GSN: variants seen among roughly 807,000 people sequenced by gnomAD.
GSN encodes the protein actin-depolymerizing factor.
Under a neutral mutation model 85.7 loss-of-function variants are expected in GSN, and 56 were observed. That is an observed-to-expected ratio of 0.65 (90% confidence interval 0.53 to 0.82). The LOEUF (loss-of-function observed/expected upper bound fraction) is 0.82. Ranked by LOEUF, GSN falls within the 40% of genes least tolerant of loss-of-function variation. The pLI, the probability that GSN is intolerant of heterozygous loss-of-function variation, is 0.00. For synonymous variants in GSN, 373 were observed against 399.1 expected (o/e 0.93, Z 0.78); for missense variants, 857 against 979.8 (o/e 0.87, Z 1.67).
intron 6 of GSN, chr9:121,313,486 T>G (rs1243716913): frequency 4.0e-6 from 1 of 252,294 alleles, no homozygotes; most frequent in African/African-American, 2.2e-5. Context: ...GTTCAGATTC[T>G]GGCTTAGCCA....
intron 4 of GSN, among the ~76,000 whole-genome samples, chr9:121,228,625 A>T (rs1345496305): frequency 2.6e-5 from 4 of 151,290 alleles, no homozygotes; most frequent in Non-Finnish European, 4.4e-5. Flanking sequence ...GGGTTTCACC[A>T]TTTTGCCCAG....
rs1386480647 is a variant in GSN, at chr9:121,327,502, G to A, written c.1762+20G>A. ...AGCCAGGTAGGAGCCGGGGTGGGGG[G>A]CCTGCTGCTGTCCGGATGCAGCTAT... On this transcript the variant is annotated intron_variant, in intron 14 of 17. Transcript: ENST00000432226. 2.6e-6 allele frequency: 4 copies of A among 1,543,620 alleles called. 1 individual carries two copies. Among genetic ancestry groups the A allele is most frequent in the East Asian group, 2.4e-5 (1 of 41,522 alleles).
At position 121,303,072 on chromosome 9, in the gene GSN, T is replaced by C; in HGVS notation, c.351+7T>C. 1 of 1,612,856 alleles carries C rather than the reference T, an allele frequency of 6.2e-7. No individual in the cohort carries two copies. Among genetic ancestry groups the C allele is most frequent in the South Asian group, 1.1e-5 (1 of 91,082 alleles). ...GTCTGGCCTGAAGTACAAGGTGGGTTGGGCCCCACCTTGCTTGAGCGGTAG... is the reference window on the plus strand; with the variant it reads ...GTCTGGCCTGAAGTACAAGGTGGGTCGGGCCCCACCTTGCTTGAGCGGTAG... On this transcript the variant is annotated splice_region_variant and intron_variant, in intron 4 of 17. Transcript: ENST00000432226.
At chr9:121,285,745 C>A (rs2057991245) in intron 2 of GSN, among the ~76,000 whole-genome samples, 1 of 152,050 alleles carries the variant, frequency 6.6e-6, no homozygotes, top group Non-Finnish European at 1.5e-5. Flanking sequence ...AAAATGGCAT[C>A]ATGTCCCACC....
At chr9:121,268,283 C>T (rs1588529785) in intron 1 of GSN, 64 bp downstream of exon 1, 2 of 152,182 alleles carry the variant, frequency 1.3e-5, no homozygotes, top group East Asian at 3.9e-4. Flanking sequence ...TGAGTCCTTC[C>T]TCTCCCTTCC....
At position 121,291,494 on chromosome 9, in the gene GSN, C is replaced by T. The variant is rs145556167; in HGVS notation, c.-10+9932C>T. Among the ~76,000 whole-genome samples, 549 of 150,784 alleles carry T rather than the reference C, an allele frequency of 3.6e-3. 5 individuals carry two copies. Among genetic ancestry groups the T allele is most frequent in the African/African-American group, 0.013 (512 of 40,904 alleles). On this transcript the variant is annotated intron_variant, in intron 2 of 17. Transcript: ENST00000432226. ...AGTGCAGTGGCGCGATCTCGGCTCA[C>T]CGCAACCTCCATCTCGTGGGTTCAA...
upstream of GSN, among the ~76,000 whole-genome samples, chr9:121,202,851 G>C (rs961497086): frequency 2.6e-5 from 4 of 152,208 alleles, no homozygotes; most frequent in African/African-American, 9.6e-5. Flanking sequence ...AGCCGGCCGG[G>C]CGCGGTGGCT....
At chr9:121,275,892 CAG>C (rs1376801081) in intron 1 of GSN, among the ~76,000 whole-genome samples, 9 of 152,206 alleles carry the variant, frequency 5.9e-5, no homozygotes, top group African/African-American at 2.2e-4. Context: ...AAATAAAAAA[CAG>C]TGTGCCAGTT....
chr9:121,269,871 C>T (rs377726861), intron 1 of GSN, among the ~76,000 whole-genome samples: 3 of 152,174 alleles, frequency 2.0e-5, no homozygotes, highest in African/African-American at 7.2e-5. Flanking sequence ...TCCTTCCTCC[C>T]CGCCTCCCTC....
chr9:121,249,223 G>C (rs562427767), intron 6 of GSN, among the ~76,000 whole-genome samples: 1 of 152,044 alleles, frequency 6.6e-6, no homozygotes, highest in Non-Finnish European at 1.5e-5. Flanking sequence ...CTCTGGGAGG[G>C]TGAGGCGAGT....
At position 121,332,629 on chromosome 9, in the gene GSN, C is replaced by A; in HGVS notation, c.*26C>A. On this transcript the variant is annotated 3_prime_UTR_variant, in exon 18 of 18. Transcript: ENST00000432226. The surrounding 1 kb of genome is among the most constrained non-coding windows in gnomAD (Gnocchi z 4.8). The stretch of plus-strand genomic sequence containing the variant: ...GGAGGGGCAGGGCCCACCCATGTCA[C>A]CGGTCAGTGCCTTTTGGAACTGTCC... The A allele has an allele frequency of 1.9e-6, 3 of 1,594,708 alleles. No homozygotes were observed. Among genetic ancestry groups the A allele is most frequent in the Non-Finnish European group, 2.6e-6 (3 of 1,166,372 alleles).
At position 121,330,749 on chromosome 9, in the gene GSN, G is replaced by A. The variant is rs537725765; in HGVS notation, c.1966-639G>A. 2.6e-5 allele frequency among the ~76,000 whole-genome samples: 4 copies of A among 152,204 alleles called. No homozygotes were observed. The South Asian group carries it at 8.3e-4, about 32-fold the overall frequency. ...AAGACTCAAAATGGTGATAGTGGTG[G>A]GTGAGTTATTTTTATTCCAAGCCTT... On this transcript the variant is annotated intron_variant, in intron 16 of 17. Transcript: ENST00000432226.
At chr9:121,331,586 G>A in intron 17 of GSN, 138 bp downstream of exon 17, 2 of 642,910 alleles carry the variant, frequency 3.1e-6, no homozygotes, top group Non-Finnish European at 5.7e-6. Context: ...TTCCTCCTCT[G>A]TGGGCCAGCC....
At chr9:121,320,323 G>T (rs1427739572) in intron 10 of GSN, among the ~76,000 whole-genome samples, 1 of 152,208 alleles carries the variant, frequency 6.6e-6, no homozygotes, top group African/African-American at 2.4e-5. Flanking sequence ...TTGCCTCGTG[G>T]TGTCCCTGCC....
At chr9:121,265,820 T>A (rs1286658785), upstream of GSN, 1 of 151,972 alleles carries the variant, frequency 6.6e-6, no homozygotes, top group African/African-American at 2.4e-5. Flanking sequence ...TACAAAGAGG[T>A]ATCTAGAAAG....
Position 121,299,338 on chromosome 9 carries a change from G to T in GSN, c.-9-2625G>T, listed in dbSNP as rs1252866258. The T allele has an allele frequency of 1.7e-5, 17 of 983,830 alleles. No homozygotes were observed. The highest frequency in any genetic ancestry group is 2.1e-5 in the Non-Finnish European group (17 of 828,634). 60.9% of individuals were successfully genotyped at this position (983,830 alleles called of 1,614,324 possible). On this transcript the variant is annotated intron_variant, in intron 2 of 17. Coordinates refer to ENST00000432226, the MANE Select transcript of GSN (RefSeq NM_198252.3). The surrounding 1 kb of genome is among the most constrained non-coding windows in gnomAD (Gnocchi z 4.2). ...TGGGGGTTCTGCCCAGGCCCACTAC[G>T]GCCTGAGTTCAAATCCCGGCAGCAC... is the stretch of plus-strand genomic sequence containing the variant.
chr9:121,317,007 T>A, intron 7 of GSN, 79 bp from the exon 8 acceptor site: 1 of 1,585,432 alleles, frequency 6.3e-7, no homozygotes, highest in Non-Finnish European at 8.6e-7. Context: ...GGACAGGGGG[T>A]GGGGCAAGAT....
At chr9:121,285,361 G>C (rs2057942418) in intron 2 of GSN, 1 of 167,086 alleles carries the variant, frequency 6.0e-6, no homozygotes, top group African/African-American at 2.4e-5. Context: ...CCCAAAGGAA[G>C]CCTCTAGTGG....
intron 4 of GSN, among the ~76,000 whole-genome samples, chr9:121,229,949 A>G (rs935451617): frequency 6.6e-6 from 1 of 152,150 alleles, no homozygotes; most frequent in Non-Finnish European, 1.5e-5. Flanking sequence ...ATACTCATGG[A>G]TTCTTTTTTT....
Sources: allele counts gnomAD v4.1 joint callset (sites outside exome capture counted in the v4.1 genomes callset), GRCh38; gene constraint gnomAD v4.1.1; non-coding constraint Gnocchi (gnomAD v3.1); transcripts MANE v1.5; gene names NCBI Gene and HGNC (gene_info 2026-07-23, HGNC 2026-07-21).